The following ANKRD30BL variants were observed in gnomAD, a reference collection of about 807,000 sequenced individuals.
The protein encoded by ANKRD30BL is ankyrin repeat domain 30B like, also known as putative ankyrin repeat domain-containing protein 30B-like.
Under a neutral mutation model 18.4 loss-of-function variants are expected in ANKRD30BL, and 20 were observed. The ratio of observed to expected loss-of-function variants is 1.09; its 90% CI spans 0.77 to 1.58. The LOEUF is 1.58. ANKRD30BL is among the 40% of genes most tolerant of loss of function. ANKRD30BL has a pLI of 0.00. For missense variants in ANKRD30BL, 224 were observed against 268.6 expected (o/e 0.83, Z 1.16); for synonymous variants, 72 against 100.9 (o/e 0.71, Z 1.72).
chr2:132,150,280 T>A (rs1046103518), intron 5 of ANKRD30BL, among the ~76,000 whole-genome samples: 1 of 126,548 alleles, frequency 7.9e-6, no homozygotes, highest in African/African-American at 4.3e-5. Context: ...ACATTTTATA[T>A]GTTTATGTTT....
intron 1 of ANKRD30BL, among the ~76,000 whole-genome samples, chr2:132,221,799 GC>G (rs1679694590): frequency 6.5e-5 from 6 of 92,856 alleles, no homozygotes; most frequent in African/African-American, 1.1e-4. Context: ...CCGGCCAGCC[GC>G]CCCGTCCGGG....
chr2:132,232,346 A>T (rs912074635), intron 1 of ANKRD30BL, among the ~76,000 whole-genome samples: 10 of 152,350 alleles, frequency 6.6e-5, no homozygotes, highest in African/African-American at 2.2e-4. Flanking sequence ...AATGACTTTG[A>T]CGAGCTGAGA....
At chr2:132,216,232 T>C (rs1573852187) in intron 1 of ANKRD30BL, among the ~76,000 whole-genome samples, 1 of 152,094 alleles carries the variant, frequency 6.6e-6, no homozygotes, top group Non-Finnish European at 1.5e-5. Context: ...CTTTGTGATG[T>C]GTGCATTCAT....
At chr2:132,149,639 AC>A in intron 5 of ANKRD30BL, among the ~76,000 whole-genome samples, 1 of 152,292 alleles carries the variant, frequency 6.6e-6, no homozygotes, top group Admixed American at 6.5e-5. Flanking sequence ...AAAGATAGTT[AC>A]TTTTTTAGTG....
Position 132,187,198 on chromosome 2 carries a change from T to G in ANKRD30BL, n.442-30052A>C, listed in dbSNP as rs867618360. ...TTTTTTTTTTTGTTTGTTTTTTTTT[T>G]TTTTTTTTTTTGAGAGACAGAGTCT... On this transcript the variant is annotated intron_variant and non_coding_transcript_variant, in intron 1 of 4. Coordinates refer to the ANKRD30BL transcript ENST00000470729. Among the ~76,000 whole-genome samples, 961 of 144,536 alleles carry G rather than the reference T, an allele frequency of 6.6e-3. 12 individuals carry two copies. The highest frequency in any genetic ancestry group is 0.023 in the African/African-American group (878 of 38,846). The allele number at this position is 144,536 out of a possible 152,430, so 94.8% of individuals were successfully genotyped here. A position where few individuals can be genotyped will look rare whatever the true frequency, so the allele number is the denominator to read the frequency against.
chr2:132,161,622 G>A lies in ANKRD30BL; in HGVS notation c.84C>T (p.Asn28=). ...CATGGTGAATCACGTAAGAGTCGTT[G>A]TTGGTGTAGACCAGCTGACTGAAGG... ...PSPFSQLVYT[N]NDSYVIHHGD... The change falls in exon 1 of 6, where the codon AAC becomes AAT. Residue 28 remains asparagine, a synonymous_variant. Transcript: ENST00000409867. 6.9e-7 allele frequency: 1 copy of A among 1,452,126 alleles called. No homozygotes were observed. The allele number at this position is 1,452,126 out of a possible 1,614,324, so 90.0% of individuals were successfully genotyped here.
intron 1 of ANKRD30BL, among the ~76,000 whole-genome samples, chr2:132,209,157 T>A (rs1417246397): frequency 1.3e-5 from 2 of 151,844 alleles, no homozygotes; most frequent in African/African-American, 4.8e-5. Context: ...CTTTGGGGCC[T>A]ATGGTGGAAA....
chr2:132,157,439 G>C lies in ANKRD30BL; in HGVS notation c.219-16C>G, dbSNP rs781448215. 222 of 625,430 alleles carry C rather than the reference G, an allele frequency of 3.5e-4. No individual in the cohort carries two copies. The highest frequency in any genetic ancestry group is 8.9e-4 in the South Asian group (44 of 49,246). The allele number at this position is 625,430 out of a possible 1,614,324, so 38.7% of individuals were successfully genotyped here. A position where few individuals can be genotyped will look rare whatever the true frequency, so the allele number is the denominator to read the frequency against. ...TAGAGCAGTCCTACAAGAATGAGAG[G>C]CCTTTTAAGGAAAGTTTAGTCCACT... is the stretch of plus-strand genomic sequence containing the variant. On this transcript the variant is annotated splice_polypyrimidine_tract_variant and intron_variant, in intron 1 of 5. Transcript: ENST00000409867.
At chr2:132,232,561 A>G (rs1287805218) in intron 1 of ANKRD30BL, among the ~76,000 whole-genome samples, 4 of 152,168 alleles carry the variant, frequency 2.6e-5, no homozygotes, top group South Asian at 2.1e-4. Context: ...GAGCTGATGC[A>G]ATCAACTGGA....
intron 1 of ANKRD30BL, among the ~76,000 whole-genome samples, chr2:132,227,298 G>C (rs1325740141): frequency 6.6e-6 from 1 of 152,112 alleles, no homozygotes; most frequent in Non-Finnish European, 1.5e-5. Flanking sequence ...TGATAGAACA[G>C]TTTTGAAACA....
chr2:132,161,734 G>GT lies in ANKRD30BL; in HGVS notation c.-30dup. The GT allele has an allele frequency of 9.0e-7, 1 of 1,117,096 alleles. No homozygotes were observed. Among genetic ancestry groups the GT allele is most frequent in the Non-Finnish European group, 1.3e-6 (1 of 754,990 alleles). 69.2% of individuals were successfully genotyped at this position (1,117,096 alleles called of 1,614,324 possible). On this transcript the variant is annotated 5_prime_UTR_variant, in exon 1 of 6. It introduces an in-frame stop codon into an upstream open reading frame of the 5' UTR. Coordinates refer to ENST00000409867, the MANE Select transcript of ANKRD30BL (RefSeq NM_001358416.1). ...TGCAGCCACCTGCTAGAGAGAGCCCGTGCCTCCCGCTGCTCGCCCTTCCCC... is the reference window on the plus strand; with the variant it reads ...TGCAGCCACCTGCTAGAGAGAGCCCGTTGCCTCCCGCTGCTCGCCCTTCCCC...
intron 1 of ANKRD30BL, among the ~76,000 whole-genome samples, chr2:132,252,253 A>G (rs375310310): frequency 6.6e-6 from 1 of 152,144 alleles, no homozygotes; most frequent in Non-Finnish European, 1.5e-5. Flanking sequence ...GTCTAGGGAC[A>G]TGCTAGCTTT....
At chr2:132,198,473 G>T (rs1274508036) in intron 1 of ANKRD30BL, among the ~76,000 whole-genome samples, 1 of 151,048 alleles carries the variant, frequency 6.6e-6, no homozygotes, top group South Asian at 2.1e-4. Flanking sequence ...ACAGGCATCC[G>T]CCACCATGCC....
At chr2:132,226,511 A>C (rs1194709450) in intron 1 of ANKRD30BL, among the ~76,000 whole-genome samples, 6 of 151,970 alleles carry the variant, frequency 3.9e-5, no homozygotes. Flanking sequence ...CTATGTTATA[A>C]AAGGAAATAT....
At chr2:132,152,330 T>C (rs1260816834) in intron 4 of ANKRD30BL, 2 of 152,210 alleles carry the variant, frequency 1.3e-5, no homozygotes, top group African/African-American at 4.8e-5. Context: ...TTTTACTATA[T>C]GTACCACTGA....
At chr2:132,257,492 G>A (rs1680893536) in intron 1 of ANKRD30BL, 9 of 259,748 alleles carry the variant, frequency 3.5e-5, no homozygotes, top group South Asian at 3.2e-4. Flanking sequence ...GGTCCCCACC[G>A]CGGAGGCTGG....
upstream of ANKRD30BL, among the ~76,000 whole-genome samples, chr2:132,165,980 G>A (rs1688181499): frequency 6.6e-6 from 1 of 152,046 alleles, no homozygotes; most frequent in African/African-American, 2.4e-5. Context: ...GTCAAGTTAT[G>A]AAAATTCACC....
intron 1 of ANKRD30BL, among the ~76,000 whole-genome samples, chr2:132,192,270 G>A (rs1456151868): frequency 6.6e-6 from 1 of 152,180 alleles, no homozygotes; most frequent in Non-Finnish European, 1.5e-5. Flanking sequence ...TCCACAGCAT[G>A]TCCAGGCTCC....
At chr2:132,169,806 ATTC>A (rs201500327) in intron 1 of ANKRD30BL, among the ~76,000 whole-genome samples, 30,588 of 151,098 alleles carry the variant, frequency 0.2, 2,912 homozygotes, top group Non-Finnish European at 0.25. Context: ...GCAGAATTTT[ATTC>A]TTCTCCATTT....
Sources: gnomAD v4.1 joint callset for allele counts (sites outside exome capture counted in the v4.1 genomes callset) on GRCh38, gnomAD v4.1.1 for gene constraint, MANE v1.5 for transcripts, NCBI Gene and HGNC (gene_info 2026-07-23, HGNC 2026-07-21) for gene names.